Variants in CNTN4 observed in about 807,000 individuals in gnomAD.
The protein encoded by CNTN4 is contactin-4.
Under a neutral mutation model 122.5 loss-of-function variants are expected in CNTN4, and 77 were observed. That is an observed-to-expected ratio of 0.63 (90% CI 0.52 to 0.76). The LOEUF is 0.76. Among genes scored for constraint, CNTN4 ranks in the 30% least tolerant of loss-of-function variants. CNTN4 has a pLI of 0.00. For synonymous variants in CNTN4, 512 were observed against 447.0 expected, an observed-to-expected ratio of 1.15 and a Z score of -1.83; for missense variants, 1,256 against 1,259.1, an observed-to-expected ratio of 1.00 and a Z score of 0.04.
intron 4 of CNTN4, among the ~76,000 whole-genome samples, chr3:2,660,262 A>G (rs946018470): frequency 6.6e-6 from 1 of 152,224 alleles, no homozygotes; most frequent in African/African-American, 2.4e-5. Context: ...ATTTTTTAAA[A>G]AAAGAAATAG....
At chr3:2,260,183 A>G (rs2040770199) in intron 2 of CNTN4, among the ~76,000 whole-genome samples, 1 of 152,130 alleles carries the variant, frequency 6.6e-6, no homozygotes, top group African/African-American at 2.4e-5. Context: ...GAAATCCTGT[A>G]GCTGAAGTTT....
intron 2 of CNTN4, among the ~76,000 whole-genome samples, chr3:2,297,841 C>T (rs2042371342): frequency 1.3e-5 from 2 of 152,100 alleles, no homozygotes; most frequent in African/African-American, 4.8e-5. Context: ...AGCAGTCCTC[C>T]CATCTCAGCC....
At chr3:2,448,001 A>G (rs940590480) in intron 3 of CNTN4, among the ~76,000 whole-genome samples, 3 of 152,218 alleles carry the variant, frequency 2.0e-5, no homozygotes, top group Non-Finnish European at 4.4e-5. Flanking sequence ...ACACAAAAGC[A>G]AATGCCCTTA....
chr3:2,638,925 AC>A, intron 4 of CNTN4, among the ~76,000 whole-genome samples: 1 of 152,266 alleles, frequency 6.6e-6, no homozygotes, highest in South Asian at 2.1e-4. Context: ...CTTCCATGCT[AC>A]CATTCTGGTC....
chr3:2,296,031 A>G (rs1575298475), intron 2 of CNTN4, among the ~76,000 whole-genome samples: 1 of 152,012 alleles, frequency 6.6e-6, no homozygotes, highest in Non-Finnish European at 1.5e-5. Context: ...TGTTCCATTG[A>G]TCTATATCTC....
chr3:2,102,531 A>C (rs187617484), intron 2 of CNTN4, among the ~76,000 whole-genome samples: 1 of 152,180 alleles, frequency 6.6e-6, no homozygotes, highest in East Asian at 1.9e-4. Context: ...GGTTGTGTGA[A>C]GTCCCAGAAT....
Position 2,866,777 on chromosome 3 carries a change from T to G in CNTN4, c.480T>G (p.Asn160Lys). The G allele has an allele frequency of 6.2e-7, 1 of 1,613,998 alleles. No individual in the cohort carries two copies. Among genetic ancestry groups the G allele is most frequent in the Non-Finnish European group, 8.5e-7 (1 of 1,179,898 alleles). Residue 160 changes from asparagine (N) to lysine (K), a missense_variant, in exon 8 of 25, where the codon AAT becomes AAG. Physicochemically the swap from Asn to Lys is moderately conservative, Grantham distance 94. Transcript: ENST00000418658. Reference protein sequence around the residue: ...SGELSYAWIFNEYPSYQDNRR... With the variant: ...SGELSYAWIFKEYPSYQDNRR... ...AGCTGAGTTATGCCTGGATCTTCAATGAATACCCTTCCTATCAGGATAATC... is the reference window on the plus strand; with the variant it reads ...AGCTGAGTTATGCCTGGATCTTCAAGGAATACCCTTCCTATCAGGATAATC...
intron 7 of CNTN4, among the ~76,000 whole-genome samples, chr3:2,822,811 C>A (rs1328419549): frequency 6.6e-6 from 1 of 152,156 alleles, no homozygotes; most frequent in Non-Finnish European, 1.5e-5. Context: ...GCAGTTGTCT[C>A]TGCTGGCAGC....
At chr3:2,431,893 C>G (rs1270666282) in intron 3 of CNTN4, among the ~76,000 whole-genome samples, 3 of 151,472 alleles carry the variant, frequency 2.0e-5, no homozygotes, top group Admixed American at 6.6e-5. Context: ...AATTGAAACA[C>G]TAAAGAGAGA....
rs1157629096 is a variant in CNTN4 at position 2,900,800 on chromosome 3, T to C, written c.1056T>C (p.Asn352=). The change falls in exon 11 of 25, where the codon AAT becomes AAC. Residue 352 remains asparagine, a synonymous_variant. Transcript: ENST00000418658. ...RPKPTYKWLK[N]GEPLLTRDRI... ...AGCCTACATACAAGTGGCTAAAAAA[T>C]GGCGAACCTCTGCTAACTCGGGTAA... 6.2e-7 allele frequency: 1 copy of C among 1,613,904 alleles called. No homozygotes were observed. The highest frequency in any genetic ancestry group is 8.5e-7 in the Non-Finnish European group (1 of 1,179,796).
At chr3:2,601,809 A>G (rs1021741009) in intron 4 of CNTN4, among the ~76,000 whole-genome samples, 1 of 152,200 alleles carries the variant, frequency 6.6e-6, no homozygotes, top group African/African-American at 2.4e-5. Context: ...TTTTAGACCA[A>G]AATCCCTGAT....
At chr3:2,516,864 A>T (rs995141686) in intron 3 of CNTN4, among the ~76,000 whole-genome samples, 1 of 152,116 alleles carries the variant, frequency 6.6e-6, no homozygotes, top group Admixed American at 6.6e-5. Flanking sequence ...GACAGATTTA[A>T]TGCTTGCCAG....
chr3:2,494,919 T>C (rs952806974), intron 3 of CNTN4, among the ~76,000 whole-genome samples: 3 of 152,324 alleles, frequency 2.0e-5, no homozygotes, highest in African/African-American at 7.2e-5. Flanking sequence ...TTGTTCTATA[T>C]CAGGGTTTCT....
At chr3:2,356,727 G>A (rs1311790194) in intron 3 of CNTN4, among the ~76,000 whole-genome samples, 3 of 152,190 alleles carry the variant, frequency 2.0e-5, no homozygotes, top group African/African-American at 4.8e-5. Flanking sequence ...TATTCAAGAT[G>A]GAGTTGCTCT....
intron 13 of CNTN4, among the ~76,000 whole-genome samples, chr3:2,940,559 G>C (rs1302209246): frequency 6.6e-6 from 1 of 152,168 alleles, no homozygotes; most frequent in East Asian, 1.9e-4. Context: ...AATATTTATA[G>C]CTTGAGGGAA....
chr3:2,528,956 C>T (rs2077497705), intron 3 of CNTN4, among the ~76,000 whole-genome samples: 1 of 152,080 alleles, frequency 6.6e-6, no homozygotes, highest in South Asian at 2.1e-4. Context: ...GTGTTGAGAA[C>T]ATTCAAAATC....
At chr3:2,674,789 A>C (rs1049353637) in intron 4 of CNTN4, among the ~76,000 whole-genome samples, 1 of 152,058 alleles carries the variant, frequency 6.6e-6, no homozygotes, top group Non-Finnish European at 1.5e-5. Context: ...ACAAAAAAAA[A>C]AAAAACCATT....
At chr3:2,575,809 C>CTTTTTTTTTTTTTTTTTTTTTTT (rs56303805) in intron 4 of CNTN4, among the ~76,000 whole-genome samples, 1 of 101,250 alleles carries the variant, frequency 9.9e-6, no homozygotes, top group African/African-American at 3.7e-5. Flanking sequence ...TCTTCTTCTT[C>CTTTTTTTTTTTTTTTTTTTTTTT]TTTTTTTTTT....
At position 3,050,482 on chromosome 3, in the gene CNTN4, G is replaced by A. The variant is rs114894243; in HGVS notation, c.2812-3325G>A. Among the ~76,000 whole-genome samples the A allele has an allele frequency of 2.7e-3, 406 of 152,196 alleles. 1 individual carries two copies. Among genetic ancestry groups the A allele is most frequent in the African/African-American group, 9.3e-3 (387 of 41,530 alleles). ...TCTTCGTTAAAAATCCAGGTTCTGAGGCCGGGCACGGTGGCTCACACCTGT... is the reference window on the plus strand; with the variant it reads ...TCTTCGTTAAAAATCCAGGTTCTGAAGCCGGGCACGGTGGCTCACACCTGT... On this transcript the variant is annotated intron_variant, in intron 23 of 24. Transcript: ENST00000418658.
Sources: gnomAD v4.1 joint callset for allele counts (sites outside exome capture counted in the v4.1 genomes callset) on GRCh38, gnomAD v4.1.1 for gene constraint, MANE v1.5 for transcripts, NCBI Gene and HGNC (gene_info 2026-07-23, HGNC 2026-07-21) for gene names.